Variants in DPP6 observed in about 807,000 individuals in gnomAD.
DPP6 encodes dipeptidyl peptidase like 6, also known as A-type potassium channel modulatory protein DPP6.
A neutral mutation model predicts 122.6 loss-of-function variants in DPP6; 69 were observed. The ratio of observed to expected loss-of-function variants is 0.56; its 90% CI spans 0.46 to 0.69. The LOEUF is 0.69. Ranked by LOEUF, DPP6 falls within the 30% of genes least tolerant of loss-of-function variation. DPP6 has a pLI of 0.00. For synonymous variants in DPP6, 418 were observed against 433.1 expected (o/e 0.97, Z 0.43); for missense variants, 928 against 1,116.9 (o/e 0.83, Z 2.41).
At chr7:153,749,659 C>A in the DPP6 span, among the ~76,000 whole-genome samples, 1 of 152,148 alleles carries the variant, frequency 6.6e-6, no homozygotes, top group South Asian at 2.1e-4. This position sits in a 1 kb window ranked among gnomAD's most constrained non-coding sequence, Gnocchi z 4.1. Flanking sequence ...AAACCCAGAT[C>A]GCCAGCGAGG....
chr7:154,775,070 C>T (rs1228294801), intron 10 of DPP6, among the ~76,000 whole-genome samples: 1 of 152,160 alleles, frequency 6.6e-6, no homozygotes, highest in African/African-American at 2.4e-5. Flanking sequence ...GTCATATCTG[C>T]CTTTTCCCCC....
At chr7:154,043,179 G>A (rs1799849053) in intron 1 of DPP6, among the ~76,000 whole-genome samples, 1 of 151,992 alleles carries the variant, frequency 6.6e-6, no homozygotes, top group Non-Finnish European at 1.5e-5. Context: ...TCTGAGGTCA[G>A]GGGTTTGAGA....
chr7:154,294,164 C>A (rs1452254854), intron 1 of DPP6, among the ~76,000 whole-genome samples: 2 of 152,196 alleles, frequency 1.3e-5, no homozygotes, highest in African/African-American at 2.4e-5. Context: ...CACGGAGAAA[C>A]TCACAGGCAG....
intron 8 of DPP6, among the ~76,000 whole-genome samples, chr7:154,732,246 C>T (rs1842374711): frequency 6.6e-6 from 1 of 151,978 alleles, no homozygotes; most frequent in African/African-American, 2.4e-5. Flanking sequence ...TGGGGTTTCA[C>T]CGTGTTAGCC....
chr7:154,502,784 C>A (rs561764098), intron 3 of DPP6, among the ~76,000 whole-genome samples: 1 of 152,054 alleles, frequency 6.6e-6, no homozygotes, highest in Non-Finnish European at 1.5e-5. Flanking sequence ...TTTTGTAGTT[C>A]GTAGGAAGGC....
chr7:153,834,132 C>A, the DPP6 span, among the ~76,000 whole-genome samples: 1 of 151,952 alleles, frequency 6.6e-6, no homozygotes, highest in Non-Finnish European at 1.5e-5. Context: ...ACTAAAAACA[C>A]AAAACTTAGC....
the DPP6 span, among the ~76,000 whole-genome samples, chr7:153,847,762 TC>T: frequency 6.6e-6 from 1 of 152,208 alleles, no homozygotes; most frequent in East Asian, 1.9e-4. Flanking sequence ...CCAGTTTTTT[TC>T]ATCCATCTAT....
intron 17 of DPP6, among the ~76,000 whole-genome samples, chr7:154,864,899 G>A (rs3807280): frequency 0.018 from 2,701 of 152,338 alleles, 43 homozygotes; most frequent in South Asian, 0.045. Context: ...GCCAGCCTGT[G>A]TTCCGTTAGC....
intron 4 of DPP6, among the ~76,000 whole-genome samples, chr7:154,546,707 A>C (rs1009908963): frequency 6.6e-6 from 1 of 152,194 alleles, no homozygotes; most frequent in African/African-American, 2.4e-5. Flanking sequence ...AAAATTAATT[A>C]ATTCTGACTC....
intron 3 of DPP6, among the ~76,000 whole-genome samples, chr7:154,513,264 C>T (rs558433625): frequency 4.6e-5 from 7 of 152,240 alleles, no homozygotes; most frequent in African/African-American, 7.2e-5. Context: ...TTGTGAATAA[C>T]GAATGTCCAA....
At position 154,654,166 on chromosome 7, in the gene DPP6, C is replaced by G. The variant is rs1012323838; in HGVS notation, c.681-15194C>G. Among the ~76,000 whole-genome samples, 4 of 152,198 alleles carry G rather than the reference C, an allele frequency of 2.6e-5. No individual in the cohort carries two copies. The East Asian group carries it at 7.7e-4, about 29-fold the overall frequency. On this transcript the variant is annotated intron_variant, in intron 6 of 25. Coordinates refer to ENST00000377770, the MANE Select transcript of DPP6 (RefSeq NM_130797.4). ...GCTTACATTATATGCAAATACCACA[C>G]ATTTTATATCAAGGACTTGAGCATC...
At chr7:153,862,035 G>T in the DPP6 span, among the ~76,000 whole-genome samples, 1 of 152,260 alleles carries the variant, frequency 6.6e-6, no homozygotes, top group African/African-American at 2.4e-5. Flanking sequence ...ACAGCAAACC[G>T]TCCTTGAGAA....
intron 6 of DPP6, among the ~76,000 whole-genome samples, chr7:154,666,206 T>TAC (rs369121970): frequency 0.35 from 50,632 of 145,238 alleles, 8,981 homozygotes; most frequent in Non-Finnish European, 0.36. Context: ...TATATACACA[T>TAC]ATACATACAT....
chr7:154,147,504 C>T (rs138664233), intron 1 of DPP6, among the ~76,000 whole-genome samples: 36 of 146,356 alleles, frequency 2.5e-4, no homozygotes, highest in East Asian at 1.4e-3. Context: ...CTTTTTCTGT[C>T]GGAGTCTTAC....
chr7:153,941,875 C>T (rs1159023862), intron 1 of DPP6, among the ~76,000 whole-genome samples: 1 of 152,096 alleles, frequency 6.6e-6, no homozygotes, highest in African/African-American at 2.4e-5. Flanking sequence ...TTCTGTTTGT[C>T]TCTCTCTCCT....
chr7:154,085,348 CTT>C (rs1055495647), intron 1 of DPP6, among the ~76,000 whole-genome samples: 1 of 152,156 alleles, frequency 6.6e-6, no homozygotes, highest in Non-Finnish European at 1.5e-5. Flanking sequence ...TGAAAACTCT[CTT>C]GCCTCTTGTA....
chr7:154,887,647 G>C (rs1806269905), intron 22 of DPP6, 29 bp from the exon 23 acceptor site: 2 of 1,613,164 alleles, frequency 1.2e-6, no homozygotes, highest in Non-Finnish European at 1.7e-6. Context: ...GAAGCCAGAG[G>C]TAACCTCCCT....
chr7:154,684,911 A>T (rs1465950503), intron 7 of DPP6, among the ~76,000 whole-genome samples: 1 of 152,178 alleles, frequency 6.6e-6, no homozygotes, highest in Non-Finnish European at 1.5e-5. Flanking sequence ...TTGCTTAGGG[A>T]ATGCTGCCTT....
intron 2 of DPP6, among the ~76,000 whole-genome samples, chr7:154,465,882 A>G (rs1411393691): frequency 6.6e-6 from 1 of 152,216 alleles, no homozygotes; most frequent in African/African-American, 2.4e-5. Context: ...GTTATAAATC[A>G]TTCTACTATA....
Sources: gnomAD v4.1 joint callset for allele counts (sites outside exome capture counted in the v4.1 genomes callset) on GRCh38, gnomAD v4.1.1 for gene constraint, Gnocchi (gnomAD v3.1) non-coding constraint, MANE v1.5 for transcripts, NCBI Gene and HGNC (gene_info 2026-07-23, HGNC 2026-07-21) for gene names.